The following PCNX1 variants were observed in gnomAD, a reference collection of about 807,000 sequenced individuals.
The protein encoded by PCNX1 is pecanex 1.
In PCNX1, 78 loss-of-function variants were observed where a neutral mutation model predicts 242.2. That is an observed-to-expected ratio of 0.32 (90% CI 0.27 to 0.39). The LOEUF is 0.39. Among genes scored for constraint, PCNX1 ranks in the 10% least tolerant of loss-of-function variants. PCNX1 has a pLI of 1.00. For synonymous variants in PCNX1, 1,024 were observed against 1,032.9 expected (o/e 0.99, Z 0.17); for missense variants, 2,581 against 2,856.5 (o/e 0.90, Z 2.20).
intron 8 of PCNX1, among the ~76,000 whole-genome samples, chr14:70,999,475 A>G (rs1211611873): frequency 1.3e-5 from 2 of 152,204 alleles, no homozygotes; most frequent in African/African-American, 4.8e-5. Flanking sequence ...CAAGAGTTCT[A>G]TATTTATCAA....
intron 2 of PCNX1, among the ~76,000 whole-genome samples, chr14:70,959,984 TG>T: frequency 8.0e-6 from 1 of 125,592 alleles, no homozygotes; most frequent in Non-Finnish European, 1.7e-5. Flanking sequence ...TGGCCAGTGA[TG>T]GTGAGCATTT....
In PCNX1 at chr14:70,977,887, A is replaced by C. The variant is rs1163355525; in HGVS notation, c.1550A>C (p.Lys517Thr). The change falls in exon 6 of 36, where the codon AAG (lysine) becomes ACG (threonine). Residue 517 changes from lysine (K) to threonine (T), a missense_variant. Lys to Thr is a moderately conservative substitution (Grantham distance 78, BLOSUM62 -1). This residue lies in a region of PCNX1 where 1,204 missense variants were observed against 1,216.7 expected (regional missense o/e 0.99). Coordinates refer to ENST00000304743, the MANE Select transcript of PCNX1 (RefSeq NM_014982.3). ...AACACTGCAGAAAACAAAGAAGAGA[A>C]GAGTGATAAGTCAGCTGTTTCTGTG... Reference protein sequence around the residue: ...PGNTAENKEEKSDKSAVSVDS... With the variant: ...PGNTAENKEETSDKSAVSVDS... The C allele has an allele frequency of 3.1e-6, 5 of 1,614,066 alleles. No homozygotes were observed. Among genetic ancestry groups the C allele is most frequent in the Non-Finnish European group, 3.4e-6 (4 of 1,180,034 alleles).
chr14:71,022,903 ACAGTAAGATGGCTCT>A (rs1178056391), intron 12 of PCNX1, among the ~76,000 whole-genome samples: 2 of 152,098 alleles, frequency 1.3e-5, no homozygotes, highest in African/African-American at 2.4e-5. Context: ...AATAAGCCAA[ACAGTAAGATGGCTCT>A]GTCTATCATA....
chr14:71,108,671 A>G lies in PCNX1; in HGVS notation c.6369A>G (p.Val2123=), dbSNP rs1292777500. 2 of 1,614,198 alleles carry G rather than the reference A, an allele frequency of 1.2e-6. No individual in the cohort carries two copies. The change falls in exon 34 of 36, where the codon GTA becomes GTG. Residue 2123 remains valine, a synonymous_variant. Transcript: ENST00000304743. ...LVRQSPARAS[V]ASQSSYCYSS... is the part of the protein sequence containing the mutation. The stretch of plus-strand genomic sequence containing the variant: ...GACAGTCTCCTGCCCGGGCCTCAGT[A>G]GCCAGCCAGTCTTCCTACTGCTATA...
chr14:71,000,698 G>A (rs1268601096), intron 8 of PCNX1, among the ~76,000 whole-genome samples: 1 of 151,700 alleles, frequency 6.6e-6, no homozygotes, highest in South Asian at 2.1e-4. Flanking sequence ...GGCTAATTTT[G>A]TATTTTTAGT....
intron 1 of PCNX1, among the ~76,000 whole-genome samples, chr14:70,938,313 C>T (rs536493750): frequency 6.6e-6 from 1 of 152,068 alleles, no homozygotes; most frequent in Non-Finnish European, 1.5e-5. Flanking sequence ...CCCATCAATA[C>T]CTAATTTATT....
intron 28 of PCNX1, among the ~76,000 whole-genome samples, chr14:71,085,204 C>T (rs948754458): frequency 3.9e-5 from 6 of 152,140 alleles, no homozygotes; most frequent in African/African-American, 1.2e-4. Context: ...TGCGATGAGC[C>T]GGGTACTTCA....
chr14:70,951,074 C>T (rs1273748949), intron 2 of PCNX1, among the ~76,000 whole-genome samples: 1 of 151,980 alleles, frequency 6.6e-6, no homozygotes, highest in East Asian at 1.9e-4. Flanking sequence ...ACTTTTTACT[C>T]TTAAATTGTT....
Position 71,109,006 on chromosome 14 carries a change from A to T in PCNX1, c.6704A>T (p.Asn2235Ile). 2 of 1,613,976 alleles carry T rather than the reference A, an allele frequency of 1.2e-6. No homozygotes were observed. The change falls in exon 34 of 36, where the codon AAT becomes ATT. Residue 2235 changes from asparagine (N) to isoleucine (I), a missense_variant. By Grantham distance (149) the Asn-to-Ile change is moderately radical (BLOSUM62 -3). Coordinates refer to ENST00000304743, the MANE Select transcript of PCNX1 (RefSeq NM_014982.3). ...GGCAACACCTTAAGTCCTGCCAACA[A>T]TTCACACTCCAGAAAGGCAGAAGTG... Reference protein sequence around the residue: ...QPGNTLSPANNSHSRKAEVIY... With the variant: ...QPGNTLSPANISHSRKAEVIY...
At chr14:70,986,737 T>TAAA (rs565472680) in intron 6 of PCNX1, among the ~76,000 whole-genome samples, 428 of 152,334 alleles carry the variant, frequency 2.8e-3, no homozygotes, top group Non-Finnish European at 4.7e-3. Flanking sequence ...CTCTGCTATT[T>TAAA]TGGCTGAAAC....
chr14:71,016,978 C>T (rs994119099), intron 11 of PCNX1, among the ~76,000 whole-genome samples: 2 of 151,986 alleles, frequency 1.3e-5, no homozygotes. Flanking sequence ...AAACCTTTAG[C>T]CAGCCTGATC....
rs777037837 is a variant in PCNX1, at chr14:71,110,070, G to C, written c.*135G>C. The stretch of plus-strand genomic sequence containing the variant: ...GAGCGACTGAAAATAGAATGAGCTT[G>C]GTTAAGCACCTCTCCTTTGCCCTTC... On this transcript the variant is annotated 3_prime_UTR_variant, in exon 36 of 36. Transcript: ENST00000304743. 1.6e-5 allele frequency: 13 copies of C among 799,210 alleles called. No individual in the cohort carries two copies. The African/African-American group carries it at 1.9e-4, about 11-fold the overall frequency. The allele number at this position is 799,210 out of a possible 1,614,324, so 49.5% of individuals were successfully genotyped here. A position where few individuals can be genotyped will look rare whatever the true frequency, so the allele number is the denominator to read the frequency against.
intron 6 of PCNX1, among the ~76,000 whole-genome samples, chr14:70,983,531 C>G (rs977980356): frequency 5.9e-5 from 9 of 152,188 alleles, no homozygotes; most frequent in African/African-American, 2.2e-4. Context: ...TCTCGAACTC[C>G]TGACCTTGTG....
chr14:70,946,607 T>C (rs1373872128), intron 1 of PCNX1, among the ~76,000 whole-genome samples: 1 of 152,254 alleles, frequency 6.6e-6, no homozygotes, highest in Non-Finnish European at 1.5e-5. Context: ...ATCTAAGTAT[T>C]ATTTCAACAT....
intron 28 of PCNX1, among the ~76,000 whole-genome samples, chr14:71,080,980 A>G (rs2141536937): frequency 6.6e-6 from 1 of 152,274 alleles, no homozygotes; most frequent in African/African-American, 2.4e-5. Context: ...GTTTTTGCTC[A>G]TTCAGTATGA....
At chr14:71,068,680 A>G (rs1184969956) in intron 26 of PCNX1, among the ~76,000 whole-genome samples, 2 of 119,402 alleles carry the variant, frequency 1.7e-5, no homozygotes, top group Admixed American at 9.6e-5. Flanking sequence ...AATTACAGTT[A>G]TTTTTTATGT....
At chr14:70,932,076 G>A (rs1174002909) in intron 1 of PCNX1, among the ~76,000 whole-genome samples, 3 of 152,206 alleles carry the variant, frequency 2.0e-5, no homozygotes, top group African/African-American at 4.8e-5. Flanking sequence ...GCAGAGAGCC[G>A]AGATCGCGCC....
intron 26 of PCNX1, among the ~76,000 whole-genome samples, chr14:71,072,056 C>T (rs1280057767): frequency 6.6e-6 from 1 of 152,148 alleles, no homozygotes; most frequent in Non-Finnish European, 1.5e-5. Flanking sequence ...CATTAAAGAT[C>T]ACTGATCACA....
chr14:71,088,607 A>T (rs558632357), intron 29 of PCNX1, among the ~76,000 whole-genome samples, 177 bp downstream of exon 29: 1 of 152,226 alleles, frequency 6.6e-6, no homozygotes, highest in Non-Finnish European at 1.5e-5. Flanking sequence ...ACTGGTTAAC[A>T]GAACTGGTTT....
Sources: allele counts gnomAD v4.1 joint callset (sites outside exome capture counted in the v4.1 genomes callset), GRCh38; gene constraint gnomAD v4.1.1; regional missense constraint gnomAD v4.1.1; transcripts MANE v1.5; gene names NCBI Gene and HGNC (gene_info 2026-07-23, HGNC 2026-07-21).